Variants in PIK3CB observed in about 807,000 individuals in gnomAD.
PIK3CB encodes phosphatidylinositol 4,5-bisphosphate 3-kinase catalytic subunit beta isoform.
A neutral mutation model predicts 136.8 loss-of-function variants in PIK3CB; 39 were observed. That is an observed-to-expected ratio of 0.29 (90% CI 0.22 to 0.37). The LOEUF is 0.37. Among genes scored for constraint, PIK3CB ranks in the 10% least tolerant of loss-of-function variants. PIK3CB has a pLI of 1.00. For synonymous variants in PIK3CB, 428 were observed against 436.6 expected, an observed-to-expected ratio of 0.98 and a Z score of 0.25; for missense variants, 868 against 1,275.4, an observed-to-expected ratio of 0.68 and a Z score of 4.87.
Position 138,654,213 on chromosome 3 carries a change from G to C in PIK3CB, c.*1176C>G. 4.7e-6 allele frequency: 1 copy of C among 212,906 alleles called. No individual in the cohort carries two copies. Among genetic ancestry groups the C allele is most frequent in the Non-Finnish European group, 9.5e-6 (1 of 105,422 alleles). 13.2% of individuals were successfully genotyped at this position (212,906 alleles called of 1,614,324 possible). On this transcript the variant is annotated 3_prime_UTR_variant, in exon 24 of 24. Transcript: ENST00000674063. ...TGGAGAATAAGCAGTAGTTTTGCTG[G>C]ATGTTGCCAGGACTCAGAGAGATCA...
chr3:138,722,770 A>C (rs2044755568), intron 8 of PIK3CB, among the ~76,000 whole-genome samples: 1 of 152,028 alleles, frequency 6.6e-6, no homozygotes, highest in African/African-American at 2.4e-5. Flanking sequence ...GAACAGCCAC[A>C]ACAAAAAATG....
intron 8 of PIK3CB, among the ~76,000 whole-genome samples, chr3:138,728,803 T>C (rs1337921190): frequency 1.3e-5 from 2 of 149,224 alleles, no homozygotes; most frequent in Admixed American, 6.7e-5. Flanking sequence ...AGAAAACCAA[T>C]GAATTAAAAT....
At chr3:138,788,656 C>CAAAA (rs71146142) in intron 2 of PIK3CB, among the ~76,000 whole-genome samples, 35 of 37,676 alleles carry the variant, frequency 9.3e-4, no homozygotes, top group Non-Finnish European at 1.1e-3. Flanking sequence ...GACTTTGTCT[C>CAAAA]AAAAAAAAAA....
chr3:138,693,969 T>TATATATATATATATATATATATATATA (rs2044077852), intron 14 of PIK3CB, among the ~76,000 whole-genome samples: 3 of 46,484 alleles, frequency 6.5e-5, no homozygotes, highest in Non-Finnish European at 1.2e-4. Context: ...ATATATATTA[T>TATATATATATATATATATATATATATA]ATATATATAT....
chr3:138,819,150 C>T (rs1436914320), intron 1 of PIK3CB, among the ~76,000 whole-genome samples: 1 of 152,118 alleles, frequency 6.6e-6, no homozygotes, highest in Non-Finnish European at 1.5e-5. Flanking sequence ...AGATCGAGAC[C>T]ATCCTGGCTA....
At chr3:138,751,088 TCC>T (rs1436568114) in intron 4 of PIK3CB, among the ~76,000 whole-genome samples, 2 of 152,164 alleles carry the variant, frequency 1.3e-5, no homozygotes, top group African/African-American at 4.8e-5. Context: ...ACACACTGAA[TCC>T]CAATCTCTGA....
chr3:138,746,500 A>C (rs2108683318), intron 4 of PIK3CB, among the ~76,000 whole-genome samples: 1 of 151,944 alleles, frequency 6.6e-6, no homozygotes, highest in East Asian at 2.0e-4. Context: ...CTCTACTAAA[A>C]ATACAAAAAA....
At chr3:138,722,933 T>G (rs1272934970) in intron 8 of PIK3CB, among the ~76,000 whole-genome samples, 1 of 152,072 alleles carries the variant, frequency 6.6e-6, no homozygotes, top group African/African-American at 2.4e-5. Flanking sequence ...GCCAAGTCAT[T>G]AAGATTAGTT....
intron 8 of PIK3CB, among the ~76,000 whole-genome samples, chr3:138,731,142 T>C (rs905614562): frequency 4.6e-5 from 7 of 152,340 alleles, no homozygotes; most frequent in Admixed American, 3.9e-4. Context: ...TGTTTATATA[T>C]ATTTTTATAA....
intron 12 of PIK3CB, 86 bp from the exon 13 acceptor site, chr3:138,699,181 A>AATTTAC: frequency 4.9e-6 from 2 of 405,328 alleles, no homozygotes; most frequent in Non-Finnish European, 8.3e-6. Context: ...TTTATATATA[A>AATTTAC]TAAATGAACC....
chr3:138,824,001 TTATC>T (rs1933673087), intron 1 of PIK3CB, among the ~76,000 whole-genome samples: 1 of 151,468 alleles, frequency 6.6e-6, no homozygotes, highest in Non-Finnish European at 1.5e-5. Context: ...CATCTGCTGG[TTATC>T]TAACTCCTTC....
intron 2 of PIK3CB, among the ~76,000 whole-genome samples, chr3:138,779,214 T>C (rs1265230979): frequency 2.0e-5 from 3 of 151,232 alleles, no homozygotes; most frequent in Non-Finnish European, 4.4e-5. Flanking sequence ...GCTTCCCGAG[T>C]AGCTGAGACT....
chr3:138,719,902 A>G (rs979672105), intron 8 of PIK3CB, among the ~76,000 whole-genome samples: 4 of 151,044 alleles, frequency 2.6e-5, no homozygotes, highest in Non-Finnish European at 5.9e-5. Context: ...AAACACTGAC[A>G]AAAAAAAAGG....
At position 138,665,202 on chromosome 3, in the gene PIK3CB, T is replaced by G; in HGVS notation, c.2506A>C (p.Met836Leu). 1 of 1,576,926 alleles carries G rather than the reference T, an allele frequency of 6.3e-7. No homozygotes were observed. The highest frequency in any genetic ancestry group is 8.6e-7 in the Non-Finnish European group (1 of 1,157,572). The change falls in exon 20 of 24, where the codon ATG (methionine) becomes CTG (leucine). Residue 836 changes from methionine to leucine, a missense_variant and splice_region_variant. Transcript: ENST00000674063. ...LWKEAGLDLR[M>L]LPYGCLATGD... ...GTTGCTAAACAGCCATAAGGCAACA[T>G]CCTGGAAGGAAAAAAATGGGCATAG...
At chr3:138,786,333 T>C (rs1276181414) in intron 2 of PIK3CB, among the ~76,000 whole-genome samples, 1 of 152,152 alleles carries the variant, frequency 6.6e-6, no homozygotes, top group Non-Finnish European at 1.5e-5. Flanking sequence ...GTTTAGGTCC[T>C]TTTTGAAAAT....
intron 4 of PIK3CB, among the ~76,000 whole-genome samples, chr3:138,744,490 GGA>G (rs1035182427): frequency 2.0e-5 from 3 of 151,102 alleles, no homozygotes; most frequent in Non-Finnish European, 2.9e-5. Context: ...AGGAGGAGGG[GGA>G]GAGGTTAGTC....
intron 2 of PIK3CB, among the ~76,000 whole-genome samples, chr3:138,762,488 A>G (rs2045675980): frequency 6.6e-6 from 1 of 152,198 alleles, no homozygotes; most frequent in Admixed American, 6.5e-5. Flanking sequence ...ACTTCCATAA[A>G]CACGAACAAA....
chr3:138,768,771 C>T (rs1227562591), intron 2 of PIK3CB, among the ~76,000 whole-genome samples: 1 of 152,222 alleles, frequency 6.6e-6, no homozygotes, highest in African/African-American at 2.4e-5. Flanking sequence ...GTCAGCACTA[C>T]CCTGAGCATG....
chr3:138,757,529 T>C (rs2045592958), intron 3 of PIK3CB, among the ~76,000 whole-genome samples: 1 of 129,464 alleles, frequency 7.7e-6, no homozygotes, highest in Non-Finnish European at 1.6e-5. Context: ...ACAGAAAATA[T>C]GGCAAACAAG....
Sources: allele counts gnomAD v4.1 joint callset (sites outside exome capture counted in the v4.1 genomes callset), GRCh38; gene constraint gnomAD v4.1.1; transcripts MANE v1.5; gene names NCBI Gene and HGNC (gene_info 2026-07-23, HGNC 2026-07-21).